The following SLC6A15 variants were observed in gnomAD, a reference collection of about 807,000 sequenced individuals.
SLC6A15 encodes the protein solute carrier family 6 member 15.
Under a neutral mutation model 68.5 loss-of-function variants are expected in SLC6A15, and 33 were observed. That is an observed-to-expected ratio of 0.48 (90% CI 0.37 to 0.64). SLC6A15 has a LOEUF of 0.64. Ranked by LOEUF, SLC6A15 falls within the 30% of genes least tolerant of loss-of-function variation. The pLI, the probability that SLC6A15 is intolerant of heterozygous loss-of-function variation, is 0.00. For synonymous variants in SLC6A15, 347 were observed against 301.0 expected (o/e 1.15, Z -1.58); for missense variants, 747 against 874.3 (o/e 0.85, Z 1.84).
In SLC6A15 at chr12:84,873,304, C is replaced by T. The variant is rs1871371197; in HGVS notation, c.892G>A (p.Val298Ile). The T allele has an allele frequency of 8.1e-6, 13 of 1,614,018 alleles. No individual in the cohort carries two copies. The East Asian group carries it at 2.9e-4, about 36-fold the overall frequency. ...PKLEIMLEPK[V>I]WREAATQVFF... is the part of the protein sequence containing the mutation. ...ACTTGAGTAGCAGCTTCTCTCCAGA[C>T]CTTGGGCTCCAGCATTATTTCAAGC... Residue 298 changes from valine to isoleucine, a missense_variant, in exon 7 of 12, where the codon GTC becomes ATC. Val to Ile is a conservative substitution (Grantham distance 29, BLOSUM62 3). Coordinates refer to ENST00000266682, the MANE Select transcript of SLC6A15 (RefSeq NM_182767.6).
rs1266748483 is a variant in SLC6A15 at position 84,861,669 on chromosome 12, G to C, written c.2156C>G (p.Ala719Gly). ...TTCTGGCATATCTGGCATAATATCT[G>C]CCATCAAGTACCCTATTCCATACCG... Reference protein sequence around the residue: ...NGRYGIGYLMADIMPDMPESD... With the variant: ...NGRYGIGYLMGDIMPDMPESD... Residue 719 changes from alanine (A) to glycine (G), a missense_variant, in exon 12 of 12, where the codon GCA (alanine) becomes GGA (glycine). Transcript: ENST00000266682. The C allele has an allele frequency of 2.5e-6, 4 of 1,605,362 alleles. No individual in the cohort carries two copies. Among genetic ancestry groups the C allele is most frequent in the Non-Finnish European group, 3.4e-6 (4 of 1,173,458 alleles).
At chr12:84,880,980 C>G in intron 5 of SLC6A15, 1 of 565,420 alleles carries the variant, frequency 1.8e-6, no homozygotes, top group Non-Finnish European at 2.2e-6. Context: ...TTTATTTTCC[C>G]TGAGCTTGTC....
chr12:84,868,093 C>T (rs1360052006), intron 9 of SLC6A15, among the ~76,000 whole-genome samples: 3 of 152,074 alleles, frequency 2.0e-5, no homozygotes, highest in Non-Finnish European at 4.4e-5. Context: ...AAGACATCCA[C>T]GGAGTCAATC....
chr12:84,866,782 T>C (rs1871083685), intron 10 of SLC6A15, among the ~76,000 whole-genome samples: 1 of 152,214 alleles, frequency 6.6e-6, no homozygotes, highest in African/African-American at 2.4e-5. Flanking sequence ...GAAAGTTAGC[T>C]ATTTGATAAC....
At chr12:84,896,227 C>A (rs1872632820) in intron 1 of SLC6A15, among the ~76,000 whole-genome samples, 1 of 152,148 alleles carries the variant, frequency 6.6e-6, no homozygotes, top group African/African-American at 2.4e-5. Context: ...TACAACTGTA[C>A]AATAGAGCAG....
chr12:84,881,337 A>T (rs534695155), intron 5 of SLC6A15: 1 of 500,912 alleles, frequency 2.0e-6, no homozygotes, highest in Non-Finnish European at 2.6e-6. Context: ...CCACCATCAC[A>T]ACCTCCTCCA....
chr12:84,908,689 A>C (rs1873293736), intron 1 of SLC6A15, among the ~76,000 whole-genome samples: 1 of 150,974 alleles, frequency 6.6e-6, no homozygotes, highest in African/African-American at 2.4e-5. Flanking sequence ...AGTAACCAAA[A>C]TCTTCAATAA....
chr12:84,863,614 A>C lies in SLC6A15; in HGVS notation c.1656-13T>G. On this transcript the variant is annotated splice_polypyrimidine_tract_variant and intron_variant, in intron 10 of 11. Coordinates refer to ENST00000266682, the MANE Select transcript of SLC6A15 (RefSeq NM_182767.6). Reference sequence around the variant, plus strand: ...GTCTTCCATAAACCTGAATAAAAAGAAAGTATTTAATTATTCCTTAATTTA... The same window carrying C: ...GTCTTCCATAAACCTGAATAAAAAGCAAGTATTTAATTATTCCTTAATTTA... 1 of 1,501,424 alleles carries C rather than the reference A, an allele frequency of 6.7e-7. No individual in the cohort carries two copies. Among genetic ancestry groups the C allele is most frequent in the South Asian group, 1.4e-5 (1 of 71,048 alleles). 93.0% of individuals were successfully genotyped at this position (1,501,424 alleles called of 1,614,324 possible).
chr12:84,871,778 A>G (rs970726793), intron 8 of SLC6A15, among the ~76,000 whole-genome samples: 1 of 152,178 alleles, frequency 6.6e-6, no homozygotes, highest in African/African-American at 2.4e-5. Context: ...CCTTTTCGAC[A>G]TACAGGAGAC....
chr12:84,880,920 C>A, intron 5 of SLC6A15: 3 of 975,540 alleles, frequency 3.1e-6, no homozygotes, highest in Non-Finnish European at 3.7e-6. Flanking sequence ...TTCTGTAGCC[C>A]AGTTTTAGCC....
chr12:84,907,103 A>C (rs557589379), intron 1 of SLC6A15, among the ~76,000 whole-genome samples: 1 of 152,170 alleles, frequency 6.6e-6, no homozygotes, highest in Non-Finnish European at 1.5e-5. Context: ...TAATCCCAGC[A>C]CTTTGGGAGG....
chr12:84,896,961 C>T (rs1437633747), intron 1 of SLC6A15, among the ~76,000 whole-genome samples: 2 of 152,042 alleles, frequency 1.3e-5, no homozygotes, highest in East Asian at 1.9e-4. Flanking sequence ...GAGCACTAGG[C>T]GGGTGGATCA....
chr12:84,880,250 T>C (rs574378468), intron 5 of SLC6A15, among the ~76,000 whole-genome samples: 1 of 152,342 alleles, frequency 6.6e-6, no homozygotes, highest in East Asian at 1.9e-4. Context: ...TTTAAAAAGA[T>C]GTGTCTTAGG....
At chr12:84,886,644 A>G (rs1479062876) in intron 2 of SLC6A15, among the ~76,000 whole-genome samples, 1 of 151,714 alleles carries the variant, frequency 6.6e-6, no homozygotes, top group African/African-American at 2.4e-5. Context: ...CATTTTTCCC[A>G]TAAATACTAC....
chr12:84,869,381 G>C (rs1871192847), intron 9 of SLC6A15, among the ~76,000 whole-genome samples: 1 of 146,104 alleles, frequency 6.8e-6, no homozygotes, highest in South Asian at 2.2e-4. Flanking sequence ...AGAATGGCGT[G>C]AACCCGGGAG....
chr12:84,882,676 A>G (rs1429851894), intron 5 of SLC6A15: 1 of 177,604 alleles, frequency 5.6e-6, no homozygotes, highest in Non-Finnish European at 1.1e-5. Flanking sequence ...AAATACTAGA[A>G]CTTAATAGCC....
At chr12:84,867,396 A>C (rs1011564164) in intron 9 of SLC6A15, 11 of 333,528 alleles carry the variant, frequency 3.3e-5, no homozygotes, top group Non-Finnish European at 5.4e-5. Context: ...ATACAAATTT[A>C]TTCTAAGACA....
intron 1 of SLC6A15, among the ~76,000 whole-genome samples, chr12:84,907,748 T>A (rs961638060): frequency 6.6e-6 from 1 of 152,204 alleles, no homozygotes; most frequent in African/African-American, 2.4e-5. Flanking sequence ...TATGCAGGAA[T>A]GTCCATAGCA....
At chr12:84,877,728 T>C (rs1871618257) in intron 5 of SLC6A15, among the ~76,000 whole-genome samples, 1 of 152,182 alleles carries the variant, frequency 6.6e-6, no homozygotes, top group Non-Finnish European at 1.5e-5. Flanking sequence ...TTTTCTATCC[T>C]TTCTCTCCCA....
Sources: gnomAD v4.1 joint callset for allele counts (sites outside exome capture counted in the v4.1 genomes callset) on GRCh38, gnomAD v4.1.1 for gene constraint, MANE v1.5 for transcripts, NCBI Gene and HGNC (gene_info 2026-07-23, HGNC 2026-07-21) for gene names.